A1CF: variants seen among roughly 807,000 people sequenced by gnomAD.
A1CF encodes the protein APOBEC1 complementation factor.
A1CF carries 48 observed loss-of-function variants against 68.9 expected under a neutral mutation model. The observed-to-expected ratio is 0.70, with a 90% confidence interval of 0.55 to 0.89. A1CF has a LOEUF of 0.89. Ranked by LOEUF, A1CF falls within the 40% of genes least tolerant of loss-of-function variation. The pLI is 0.00. For missense variants in A1CF, 653 were observed against 718.9 expected (o/e 0.91, Z 1.05); for synonymous variants, 272 against 260.4 (o/e 1.04, Z -0.43).
Position 50,806,814 on chromosome 10 carries a change from C to T in A1CF, c.1676G>A (p.Gly559Glu), listed in dbSNP as rs777706953. The T allele has an allele frequency of 1.4e-5, 23 of 1,613,444 alleles. 1 individual carries two copies. In the East Asian group the frequency reaches 4.7e-4, roughly 33 times the overall value. The change falls in exon 13 of 13, where the codon GGA (glycine) becomes GAA (glutamate). Residue 559 changes from glycine (G) to glutamate (E), a missense_variant. Gly to Glu is a moderately conservative substitution (Grantham distance 98). Transcript: ENST00000373997. ...AAQLKQAVTL[G>E]QDLAAYTTYE... ...GGTTGTATATGCTGCTAAGTCTTGT[C>T]CAAGGGTTACCGCTTGCTTGAGCTG...
rs750343566 is a variant in A1CF at position 50,820,540 on chromosome 10, C to T, written c.867+12G>A. 4 of 1,609,808 alleles carry T rather than the reference C, an allele frequency of 2.5e-6. No homozygotes were observed. The African/African-American group carries it at 4.0e-5, about 16-fold the overall frequency. ...ATGTAATCTGCATATTTTTTTCTTT[C>T]TTCTACCTTACCTTGCCATTTAAAG... On this transcript the variant is annotated intron_variant, in intron 8 of 12. Coordinates refer to ENST00000373997, the MANE Select transcript of A1CF (RefSeq NM_014576.4).
At position 50,805,803 on chromosome 10, in the gene A1CF, G is replaced by A. The variant is rs564221585; in HGVS notation, c.*926C>T. The A allele has an allele frequency of 6.6e-6, 1 of 152,140 alleles. No individual in the cohort carries two copies. The highest frequency in any genetic ancestry group is 1.5e-5 in the Non-Finnish European group (1 of 68,024). 9.4% of individuals were successfully genotyped at this position (152,140 alleles called of 1,614,324 possible). A position where few individuals can be genotyped will look rare whatever the true frequency, so the allele number is the denominator to read the frequency against. Reference sequence around the variant, plus strand: ...AAATCTGCACTTCTCTCTTTAAAATGACTTTTCAGTCAATTTGCTGAAAGG... The same window carrying A: ...AAATCTGCACTTCTCTCTTTAAAATAACTTTTCAGTCAATTTGCTGAAAGG... On this transcript the variant is annotated 3_prime_UTR_variant, in exon 13 of 13. Transcript: ENST00000373997.
chr10:50,850,819 T>G, intron 3 of A1CF: 1 of 1,603,774 alleles, frequency 6.2e-7, no homozygotes, highest in African/African-American at 1.3e-5. Flanking sequence ...TTTCAAGAAG[T>G]AATTAGGTGA....
intron 10 of A1CF, among the ~76,000 whole-genome samples, chr10:50,812,341 C>T (rs146724373): frequency 0.015 from 2,278 of 152,272 alleles, 25 homozygotes; most frequent in Non-Finnish European, 0.021. Context: ...TAGGCCCCAT[C>T]TGTGTTGGTT....
chr10:50,870,371 A>G (rs1049171468), intron 1 of A1CF, among the ~76,000 whole-genome samples: 1 of 151,936 alleles, frequency 6.6e-6, no homozygotes, highest in African/African-American at 2.4e-5. Flanking sequence ...TGATAAATGT[A>G]TGTAACAGCT....
chr10:50,880,994 C>T (rs912868003), intron 1 of A1CF, among the ~76,000 whole-genome samples: 2 of 143,974 alleles, frequency 1.4e-5, no homozygotes, highest in African/African-American at 5.0e-5. Context: ...CATTTAGACT[C>T]TTTTTTTTTT....
At chr10:50,848,440 A>G (rs1030318169) in intron 3 of A1CF, among the ~76,000 whole-genome samples, 4 of 152,248 alleles carry the variant, frequency 2.6e-5, no homozygotes, top group Admixed American at 2.6e-4. Context: ...TCAGCCTCAT[A>G]AATCCTCATG....
intron 1 of A1CF, among the ~76,000 whole-genome samples, chr10:50,880,399 G>A (rs1394899683): frequency 2.6e-5 from 4 of 152,190 alleles, no homozygotes; most frequent in Admixed American, 1.3e-4. Context: ...TGCCTGGCAT[G>A]TGGCAGGATG....
At chr10:50,877,545 A>G (rs528835529) in intron 1 of A1CF, among the ~76,000 whole-genome samples, 1 of 152,256 alleles carries the variant, frequency 6.6e-6, no homozygotes, top group Admixed American at 6.5e-5. Context: ...GCACAGAAGC[A>G]ATCTGACACT....
chr10:50,831,536 C>T (rs1839240941), intron 6 of A1CF, among the ~76,000 whole-genome samples: 2 of 152,136 alleles, frequency 1.3e-5, no homozygotes, highest in Non-Finnish European at 2.9e-5. Context: ...CGAGACCAGC[C>T]TGACCAACAT....
intron 8 of A1CF, among the ~76,000 whole-genome samples, chr10:50,820,229 C>T (rs557667596): frequency 6.6e-6 from 1 of 152,120 alleles, no homozygotes; most frequent in Admixed American, 6.6e-5. Flanking sequence ...TGATGATAAT[C>T]TCTTTGAAGT....
At chr10:50,808,825 A>G (rs904160889) in intron 12 of A1CF, among the ~76,000 whole-genome samples, 12 of 152,154 alleles carry the variant, frequency 7.9e-5, no homozygotes, top group African/African-American at 2.4e-4. Context: ...AAGGAGCCCC[A>G]GGTGCAGTGG....
At chr10:50,824,446 A>G (rs1365093436) in intron 7 of A1CF, 1 of 152,178 alleles carries the variant, frequency 6.6e-6, no homozygotes, top group Non-Finnish European at 1.5e-5. Context: ...ATGAGGGGAG[A>G]ATAGTGGGCA....
rs1837840512 is a variant in A1CF at position 50,806,767 on chromosome 10, C to A, written c.1723G>T (p.Ala575Ser). 2 of 1,610,670 alleles carry A rather than the reference C, an allele frequency of 1.2e-6. No homozygotes were observed. Among genetic ancestry groups the A allele is most frequent in the East Asian group, 2.2e-5 (1 of 44,714 alleles). ...TATCCATCCCCTCGGGCAGTCACTG[C>A]AAAAGTTGGGTAGACCTCATAGGTT... ...YTTYEVYPTF[A>S]VTARGDGYGT... is the part of the protein sequence containing the mutation. The change falls in exon 13 of 13, where the codon GCA (alanine) becomes TCA (serine). Residue 575 changes from alanine (A) to serine (S), a missense_variant. Coordinates refer to ENST00000373997, the MANE Select transcript of A1CF (RefSeq NM_014576.4).
intron 3 of A1CF, among the ~76,000 whole-genome samples, chr10:50,853,797 T>A (rs925181766): frequency 4.6e-4 from 67 of 146,294 alleles, no homozygotes; most frequent in African/African-American, 1.7e-3. Flanking sequence ...ATTTTAGGCT[T>A]TTTTTTAAAA....
At position 50,813,895 on chromosome 10, in the gene A1CF, C is replaced by T; in HGVS notation, c.1285G>A (p.Val429Ile). 6.2e-7 allele frequency: 1 copy of T among 1,613,842 alleles called. No homozygotes were observed. The highest frequency in any genetic ancestry group is 1.1e-5 in the South Asian group (1 of 91,076). Reference sequence around the variant, plus strand: ...TTAATTCCTTGGGGTTTTAATGTGACAGGATTCATTGGGGTGAGCTCCATC... The same window carrying T: ...TTAATTCCTTGGGGTTTTAATGTGATAGGATTCATTGGGGTGAGCTCCATC... ...PGMELTPMNP[V>I]TLKPQGIKLA... Residue 429 changes from valine (V) to isoleucine (I), a missense_variant, in exon 10 of 13, where the codon GTC (valine) becomes ATC (isoleucine). By Grantham distance (29) the Val-to-Ile change is conservative (BLOSUM62 3). Transcript: ENST00000373997.
chr10:50,852,090 CT>C (rs1840274234), intron 3 of A1CF, among the ~76,000 whole-genome samples: 1 of 152,230 alleles, frequency 6.6e-6, no homozygotes, highest in African/African-American at 2.4e-5. Context: ...ACAAGACCTG[CT>C]CATGCTTCTG....
At chr10:50,881,138 C>A (rs770039276) in intron 1 of A1CF, among the ~76,000 whole-genome samples, 6 of 152,064 alleles carry the variant, frequency 3.9e-5, no homozygotes, top group Non-Finnish European at 5.9e-5. Flanking sequence ...TACAGGTACC[C>A]ACCACCATGC....
chr10:50,865,341 T>C (rs1036394342), intron 1 of A1CF, among the ~76,000 whole-genome samples: 4 of 152,138 alleles, frequency 2.6e-5, no homozygotes, highest in African/African-American at 9.7e-5. Context: ...ATTAGGATGA[T>C]GATAATTCCA....
Sources: gnomAD v4.1 joint callset for allele counts (sites outside exome capture counted in the v4.1 genomes callset) on GRCh38, gnomAD v4.1.1 for gene constraint, MANE v1.5 for transcripts, NCBI Gene and HGNC (gene_info 2026-07-23, HGNC 2026-07-21) for gene names.